Variants in SPATA6 observed in about 807,000 individuals in gnomAD.
The protein encoded by SPATA6 is spermatogenesis associated 6.
A neutral mutation model predicts 65.3 loss-of-function variants in SPATA6; 56 were observed. That is an observed-to-expected ratio of 0.86 (90% CI 0.69 to 1.07). SPATA6 has a LOEUF of 1.07. Ranked by LOEUF, SPATA6 falls within the 50% of genes least tolerant of loss-of-function variation. The pLI, the probability that SPATA6 is intolerant of heterozygous loss-of-function variation, is 0.00. For synonymous variants in SPATA6, 199 were observed against 213.2 expected (o/e 0.93, Z 0.58); for missense variants, 590 against 594.8 (o/e 0.99, Z 0.08).
intron 9 of SPATA6, among the ~76,000 whole-genome samples, chr1:48,371,267 CTATATAGATAGATAGATAGA>C (rs1557629809): frequency 7.9e-6 from 1 of 126,402 alleles, no homozygotes; most frequent in East Asian, 2.3e-4. Context: ...GAATATGTAT[CTATATAGATAGATAGATAGA>C]TAGATAGATA....
chr1:48,339,757 G>A (rs757889197), intron 11 of SPATA6, among the ~76,000 whole-genome samples: 5 of 151,904 alleles, frequency 3.3e-5, no homozygotes, highest in African/African-American at 4.8e-5. Flanking sequence ...TGGAAAGAGC[G>A]CAAGAAACTT....
intron 3 of SPATA6, among the ~76,000 whole-genome samples, chr1:48,438,060 C>A (rs779514576): frequency 2.0e-5 from 3 of 152,092 alleles, no homozygotes; most frequent in African/African-American, 4.8e-5. Context: ...GCCACCCCAG[C>A]CAGCAGCGGC....
At chr1:48,289,363 C>T in the SPATA6 span, among the ~76,000 whole-genome samples, 2 of 152,230 alleles carry the variant, frequency 1.3e-5, no homozygotes, top group Admixed American at 1.3e-4. Flanking sequence ...TCATCAAAGA[C>T]CAAAGGTAGA....
At chr1:48,422,910 C>G (rs1653483867) in intron 3 of SPATA6, among the ~76,000 whole-genome samples, 1 of 152,000 alleles carries the variant, frequency 6.6e-6, no homozygotes, top group Non-Finnish European at 1.5e-5. Context: ...TAAGAATGCT[C>G]ACAATAGTTT....
intron 11 of SPATA6, among the ~76,000 whole-genome samples, chr1:48,321,619 T>C (rs1645601135): frequency 6.6e-6 from 1 of 152,152 alleles, no homozygotes; most frequent in Admixed American, 6.5e-5. Context: ...CATCCAGACA[T>C]AAAATCAGCA....
chr1:48,436,951 C>G (rs371813530), intron 3 of SPATA6: 132 of 1,612,738 alleles, frequency 8.2e-5, no homozygotes, highest in Middle Eastern at 3.3e-4. Flanking sequence ...AAATAGTGAC[C>G]GATTACACAC....
intron 4 of SPATA6, 119 bp downstream of exon 4, chr1:48,412,991 A>G: frequency 3.5e-6 from 1 of 285,918 alleles, no homozygotes; most frequent in Non-Finnish European, 6.1e-6. Flanking sequence ...CTTTATCAGT[A>G]TATAATACAC....
chr1:48,332,906 T>A (rs1017948393), intron 11 of SPATA6, among the ~76,000 whole-genome samples: 15 of 151,880 alleles, frequency 9.9e-5, no homozygotes, highest in Non-Finnish European at 1.8e-4. Context: ...AAAATAGAAA[T>A]CAAAGCCAAG....
chr1:48,317,282 G>A (rs1189346373), intron 11 of SPATA6, among the ~76,000 whole-genome samples: 2 of 152,162 alleles, frequency 1.3e-5, no homozygotes, highest in Non-Finnish European at 2.9e-5. Context: ...CAACCCAAAT[G>A]TCCAACAATG....
At chr1:48,339,078 T>C (rs548977676) in intron 11 of SPATA6, among the ~76,000 whole-genome samples, 1 of 151,806 alleles carries the variant, frequency 6.6e-6, no homozygotes, top group Non-Finnish European at 1.5e-5. Flanking sequence ...AACTTCCTAG[T>C]GTGAAAATGT....
Position 48,385,355 on chromosome 1 carries a change from A to C in SPATA6, c.869-6T>G, listed in dbSNP as rs1442592249. On this transcript the variant is annotated splice_polypyrimidine_tract_variant and splice_region_variant and intron_variant, in intron 8 of 12. Coordinates refer to ENST00000371847, the MANE Select transcript of SPATA6 (RefSeq NM_019073.4). ...GCAGCCAAGATGAGAATGATCTGAA[A>C]AAGGAAGTACAAAACAATTAAAGTT... is the stretch of plus-strand genomic sequence containing the variant. 1 of 1,608,580 alleles carries C rather than the reference A, an allele frequency of 6.2e-7. No individual in the cohort carries two copies. The highest frequency in any genetic ancestry group is 1.1e-5 in the South Asian group (1 of 89,600).
At chr1:48,431,291 G>A (rs528937716) in intron 3 of SPATA6, among the ~76,000 whole-genome samples, 1 of 152,132 alleles carries the variant, frequency 6.6e-6, no homozygotes, top group Admixed American at 6.5e-5. Context: ...CAGAATTGAA[G>A]AGAGAAACAA....
chr1:48,392,744 A>G (rs1045153004), intron 8 of SPATA6, among the ~76,000 whole-genome samples: 1 of 152,106 alleles, frequency 6.6e-6, no homozygotes, highest in African/African-American at 2.4e-5. Context: ...AATATTAGGC[A>G]AGATAATTTG....
intron 9 of SPATA6, 90 bp from the exon 10 acceptor site, chr1:48,359,860 C>A (rs2148817508): frequency 1.1e-6 from 1 of 947,134 alleles, no homozygotes; most frequent in Non-Finnish European, 1.5e-6. Context: ...GCATAGTAGT[C>A]ATATGCATGT....
chr1:48,413,142 G>C lies in SPATA6; in HGVS notation c.248C>G (p.Ala83Gly). Reference protein sequence around the residue: ...DVVTQLEYDTAVFELIQLVPP... With the variant: ...DVVTQLEYDTGVFELIQLVPP... ...AACTAGCTGTATCAACTCGAACACT[G>C]CTGTATCATCTAAAAGTTTAAAGAA... Residue 83 changes from alanine to glycine, a missense_variant, in exon 4 of 13, where the codon GCA becomes GGA. Transcript: ENST00000371847. The C allele has an allele frequency of 2.8e-6, 4 of 1,419,324 alleles. No individual in the cohort carries two copies. Among genetic ancestry groups the C allele is most frequent in the Non-Finnish European group, 3.7e-6 (4 of 1,084,578 alleles). The allele number at this position is 1,419,324 out of a possible 1,614,324, so 87.9% of individuals were successfully genotyped here.
the SPATA6 span, among the ~76,000 whole-genome samples, chr1:48,279,882 C>A: frequency 6.6e-6 from 1 of 152,014 alleles, no homozygotes; most frequent in Non-Finnish European, 1.5e-5. Flanking sequence ...AATATACATT[C>A]TTTTCAGCAC....
At chr1:48,266,774 G>C in the SPATA6 span, among the ~76,000 whole-genome samples, 1 of 152,094 alleles carries the variant, frequency 6.6e-6, no homozygotes, top group African/African-American at 2.4e-5. Context: ...TTTTGTTTAA[G>C]ATTATCAACA....
At chr1:48,364,887 G>T (rs1482044161) in intron 9 of SPATA6, among the ~76,000 whole-genome samples, 1 of 152,170 alleles carries the variant, frequency 6.6e-6, no homozygotes, top group African/African-American at 2.4e-5. Flanking sequence ...CCCATGTCCT[G>T]AATGGTATTG....
chr1:48,413,043 T>A, intron 4 of SPATA6, 67 bp downstream of exon 4: 1 of 452,640 alleles, frequency 2.2e-6, no homozygotes, highest in Admixed American at 4.9e-5. Flanking sequence ...AATCAATATA[T>A]AATATATTAT....
Sources: gnomAD v4.1 joint callset for allele counts (sites outside exome capture counted in the v4.1 genomes callset) on GRCh38, gnomAD v4.1.1 for gene constraint, MANE v1.5 for transcripts, NCBI Gene and HGNC (gene_info 2026-07-23, HGNC 2026-07-21) for gene names.